HDAC8: variants seen among roughly 807,000 people sequenced by gnomAD.
HDAC8 encodes the protein histone deacetylase-like 1.
A neutral mutation model predicts 32.2 loss-of-function variants in HDAC8; 1 was observed. The observed-to-expected ratio is 0.03, with a 90% CI of 0.01 to 0.15. The LOEUF is 0.15. Among genes scored for constraint, HDAC8 ranks in the 10% least tolerant of loss-of-function variants. HDAC8 has a pLI of 1.00. For missense variants in HDAC8, 117 were observed against 300.0 expected (o/e 0.39, Z 4.51); for synonymous variants, 108 against 113.9 (o/e 0.95, Z 0.33).
intron 4 of HDAC8, among the ~76,000 whole-genome samples, chrX:72,531,901 C>T (rs1284037154): frequency 9.0e-6 from 1 of 111,686 alleles, no homozygotes; most frequent in African/African-American, 3.3e-5. Flanking sequence ...TTCCACCTTT[C>T]GGCTATAGTG....
chrX:72,492,329 C>A (rs2048896893), intron 5 of HDAC8, among the ~76,000 whole-genome samples: 1 of 111,563 alleles, frequency 9.0e-6, no homozygotes, highest in Non-Finnish European at 1.9e-5. Flanking sequence ...TGTTGAGCAC[C>A]TTTTCATAAG....
At chrX:72,530,128 C>T (rs1471069543) in intron 4 of HDAC8, among the ~76,000 whole-genome samples, 1 of 111,891 alleles carries the variant, frequency 8.9e-6, no homozygotes, top group African/African-American at 3.3e-5. Flanking sequence ...ATATATCTAC[C>T]CAGTGGAAAA....
chrX:72,413,580 T>C (rs782452629), intron 9 of HDAC8, among the ~76,000 whole-genome samples: 16 of 111,005 alleles, frequency 1.4e-4, no homozygotes, highest in Non-Finnish European at 1.9e-4. Context: ...TCTTGAATTG[T>C]AGTTCCCATA....
intron 7 of HDAC8, among the ~76,000 whole-genome samples, chrX:72,470,392 C>T (rs190824771): frequency 1.7e-4 from 19 of 110,930 alleles, no homozygotes; most frequent in African/African-American, 4.3e-4. Flanking sequence ...TTTTCTCTAC[C>T]TGAAAATGTC....
chrX:72,338,498 C>T (rs1189820089), intron 10 of HDAC8, among the ~76,000 whole-genome samples: 2 of 108,471 alleles, frequency 1.8e-5, no homozygotes, highest in African/African-American at 3.4e-5. Context: ...TCTCAGGAAC[C>T]CTTGGAGGTT....
At chrX:72,547,992 G>A (rs1436802060) in intron 4 of HDAC8, among the ~76,000 whole-genome samples, 3 of 110,760 alleles carry the variant, frequency 2.7e-5, no homozygotes, top group African/African-American at 6.6e-5. Context: ...ACCATTCCCC[G>A]TCCCCTAATC....
intron 9 of HDAC8, among the ~76,000 whole-genome samples, chrX:72,412,211 C>T (rs3012636): frequency 0.027 from 3,038 of 111,342 alleles, 94 homozygotes; most frequent in African/African-American, 0.094. Flanking sequence ...TTTTTAAAGA[C>T]GATTTTTGAG....
intron 7 of HDAC8, among the ~76,000 whole-genome samples, chrX:72,472,278 G>C (rs917801645): frequency 9.2e-6 from 1 of 108,936 alleles, no homozygotes; most frequent in South Asian, 4.0e-4. Context: ...CGTTTTAGCC[G>C]GGATGGTCTC....
chrX:72,562,443 C>T (rs1405166661), intron 4 of HDAC8, among the ~76,000 whole-genome samples: 1 of 111,815 alleles, frequency 8.9e-6, no homozygotes, highest in Non-Finnish European at 1.9e-5. Context: ...GAAAACCAAA[C>T]GTCGTATGTT....
At chrX:72,415,775 AT>A (rs2046316629) in intron 9 of HDAC8, among the ~76,000 whole-genome samples, 1 of 112,056 alleles carries the variant, frequency 8.9e-6, no homozygotes, top group African/African-American at 3.2e-5. Flanking sequence ...TATAGAATTG[AT>A]TTTTGTATGT....
intron 6 of HDAC8, among the ~76,000 whole-genome samples, chrX:72,490,003 C>T (rs1175355006): frequency 1.6e-4 from 18 of 111,725 alleles, no homozygotes; most frequent in Admixed American, 2.8e-4. Flanking sequence ...CATGAAAAAA[C>T]GCTCACCATC....
chrX:72,431,238 T>G (rs2046806951), intron 9 of HDAC8, among the ~76,000 whole-genome samples: 1 of 112,140 alleles, frequency 8.9e-6, no homozygotes, highest in Non-Finnish European at 1.9e-5. Context: ...ACGTGCCTTC[T>G]CTGTTCTGTC....
chrX:72,563,349 G>A (rs1359985334), intron 4 of HDAC8, among the ~76,000 whole-genome samples: 1 of 111,006 alleles, frequency 9.0e-6, no homozygotes, highest in African/African-American at 3.3e-5. Context: ...CCAGGAGTTA[G>A]AGACCAGCCT....
At chrX:72,477,268 T>C (rs1461065137) in intron 7 of HDAC8, among the ~76,000 whole-genome samples, 1 of 111,982 alleles carries the variant, frequency 8.9e-6, no homozygotes, top group Non-Finnish European at 1.9e-5. Context: ...GCCTTAGTTT[T>C]TACTCTCTAA....
At chrX:72,417,209 C>T (rs1036890585) in intron 9 of HDAC8, among the ~76,000 whole-genome samples, 1 of 111,318 alleles carries the variant, frequency 9.0e-6, no homozygotes, top group African/African-American at 3.3e-5. Flanking sequence ...TCCTATTCAA[C>T]GTCATACTAG....
intron 10 of HDAC8, among the ~76,000 whole-genome samples, chrX:72,337,214 G>A (rs782591984): frequency 1.8e-5 from 2 of 112,202 alleles, no homozygotes; most frequent in Non-Finnish European, 3.8e-5. Context: ...GGAGCAGTGC[G>A]GTCCAATAGA....
intron 9 of HDAC8, among the ~76,000 whole-genome samples, chrX:72,413,053 T>C (rs1396995060): frequency 9.0e-6 from 1 of 111,542 alleles, no homozygotes; most frequent in African/African-American, 3.3e-5. Flanking sequence ...CTGGAGAACA[T>C]CCAATTCCTT....
rs145045164 is a variant in HDAC8 at position 72,495,475 on chromosome X, T to C, written c.438-207A>G. ...CAGTAAAGTAAATATTTGGGTAAAT[T>C]GGTAATATTTTCCATTCATGATCCC... is the stretch of plus-strand genomic sequence containing the variant. On this transcript the variant is annotated intron_variant, in intron 4 of 10. Transcript: ENST00000373573. Among the ~76,000 whole-genome samples the C allele has an allele frequency of 1.5e-3, 172 of 111,924 alleles. 1 individual carries two copies. The highest frequency in any genetic ancestry group is 0.01 in the East Asian group (37 of 3,573).
chrX:72,498,578 T>C (rs1261781288), intron 4 of HDAC8, among the ~76,000 whole-genome samples: 1 of 112,133 alleles, frequency 8.9e-6, no homozygotes, highest in African/African-American at 3.2e-5. Context: ...TCACATCATT[T>C]ACCTATGAAA....
Sources: allele counts gnomAD v4.1 joint callset (sites outside exome capture counted in the v4.1 genomes callset), GRCh38; gene constraint gnomAD v4.1.1; transcripts MANE v1.5; gene names NCBI Gene and HGNC (gene_info 2026-07-23, HGNC 2026-07-21).